The following DENND4C variants were observed in gnomAD, a reference collection of about 807,000 sequenced individuals.
The protein encoded by DENND4C is DENN domain containing 4C, also known as DENN domain-containing protein 4C.
In DENND4C, 108 loss-of-function variants were observed where a neutral mutation model predicts 203.0. The ratio of observed to expected loss-of-function variants is 0.53; its 90% CI spans 0.46 to 0.62. The LOEUF (loss-of-function observed/expected upper bound fraction) is 0.62, where lower values mean the gene tolerates loss of function less well. Among genes scored for constraint, DENND4C ranks in the 20% least tolerant of loss-of-function variants. The pLI, the probability that DENND4C is intolerant of heterozygous loss-of-function variation, is 0.00. For synonymous variants in DENND4C, 871 were observed against 792.4 expected, an observed-to-expected ratio of 1.10 and a Z score of -1.67; for missense variants, 2,481 against 2,301.2, an observed-to-expected ratio of 1.08 and a Z score of -1.60.
At chr9:19,363,094 C>T (rs750075372) in intron 30 of DENND4C, among the ~76,000 whole-genome samples, 3 of 152,226 alleles carry the variant, frequency 2.0e-5, no homozygotes, top group Non-Finnish European at 4.4e-5. Flanking sequence ...TCTGAGGCCT[C>T]TCTTTGGCCT....
chr9:19,266,202 G>A (rs943939516), intron 1 of DENND4C, among the ~76,000 whole-genome samples: 1 of 152,104 alleles, frequency 6.6e-6, no homozygotes, highest in Admixed American at 6.6e-5. Flanking sequence ...TTCTCTGATG[G>A]CCAGTGATGA....
intron 21 of DENND4C, among the ~76,000 whole-genome samples, 197 bp downstream of exon 21, chr9:19,341,311 C>CTTTTTTT (rs5896841): frequency 7.5e-5 from 9 of 120,170 alleles, no homozygotes; most frequent in Non-Finnish European, 6.9e-5. Context: ...TTCTTTCTTT[C>CTTTTTTT]TTTTTTTTTT....
intron 26 of DENND4C, among the ~76,000 whole-genome samples, chr9:19,353,852 T>A (rs1824747145): frequency 6.6e-6 from 1 of 151,904 alleles, no homozygotes; most frequent in South Asian, 2.1e-4. Context: ...AGGAAAATGG[T>A]TTGAACCCAG....
At chr9:19,364,181 G>A (rs1827125571) in intron 30 of DENND4C, among the ~76,000 whole-genome samples, 1 of 150,862 alleles carries the variant, frequency 6.6e-6, no homozygotes, top group African/African-American at 2.4e-5. Flanking sequence ...AGACCTCCCC[G>A]CCTTCCTGTC....
At chr9:19,256,367 G>A (rs1165592653) in intron 1 of DENND4C, among the ~76,000 whole-genome samples, 1 of 142,654 alleles carries the variant, frequency 7.0e-6, no homozygotes, top group African/African-American at 2.7e-5. Context: ...TGGAGTGCAA[G>A]GGCGCAATCT....
At position 19,360,243 on chromosome 9, in the gene DENND4C, G is replaced by T; in HGVS notation, c.5161-1G>T. 6.2e-7 allele frequency: 1 copy of T among 1,608,296 alleles called. No homozygotes were observed. Among genetic ancestry groups the T allele is most frequent in the Non-Finnish European group, 8.5e-7 (1 of 1,178,364 alleles). ...TAATTTCTTTTTGTATTTTTTTTAA[G>T]GATCCTTTAGGAAAAAGACCCAATC... On this transcript the variant is annotated splice_acceptor_variant, in intron 28 of 32. Coordinates refer to ENST00000434457, the MANE Select transcript of DENND4C (RefSeq NM_001330640.2). LOFTEE classifies it high-confidence loss of function.
chr9:19,324,599 GGA>G (rs1843418642), intron 13 of DENND4C, 92 bp downstream of exon 13: 2 of 1,315,616 alleles, frequency 1.5e-6, no homozygotes, highest in African/African-American at 3.0e-5. Context: ...AGTGATATAA[GGA>G]AAACAGAGTA....
intron 2 of DENND4C, among the ~76,000 whole-genome samples, chr9:19,277,528 T>C (rs141946291): frequency 7.2e-5 from 11 of 152,308 alleles, no homozygotes; most frequent in African/African-American, 2.6e-4. Flanking sequence ...TCTGCAACTT[T>C]GCCGAATTTA....
intron 1 of DENND4C, among the ~76,000 whole-genome samples, chr9:19,234,554 A>T (rs1354736123): frequency 1.3e-5 from 1 of 74,890 alleles, no homozygotes; most frequent in Non-Finnish European, 3.0e-5. Context: ...TTTTTTTTTA[A>T]CACGGTCTCA....
Position 19,319,833 on chromosome 9 carries a change from G to C in DENND4C, c.1807+2994G>C, listed in dbSNP as rs376896607. Among the ~76,000 whole-genome samples the C allele has an allele frequency of 4.1e-4, 62 of 152,240 alleles. 1 individual carries two copies. In the South Asian group the frequency reaches 0.011, roughly 28 times the overall value. ...TACAGTGAGAGTGCTAGTTAGGTCA[G>C]AGAAATATTCCTTGAAGAAATAACA... On this transcript the variant is annotated intron_variant, in intron 12 of 32. Transcript: ENST00000434457.
intron 4 of DENND4C, among the ~76,000 whole-genome samples, chr9:19,289,263 T>C (rs1835799849): frequency 6.6e-6 from 1 of 152,134 alleles, no homozygotes; most frequent in South Asian, 2.1e-4. Flanking sequence ...ATTCCACTGG[T>C]ATGGTGGGAT....
chr9:19,325,935 C>T lies in DENND4C; in HGVS notation c.1954-4C>T, dbSNP rs767972206. On this transcript the variant is annotated splice_polypyrimidine_tract_variant and splice_region_variant and intron_variant, in intron 13 of 32. Transcript: ENST00000434457. ...CATTAAGAATCTGTTTTCTTTTTTT[C>T]TAGTTGTTTCCTGATAAAGGCACAG... 3 of 1,596,898 alleles carry T rather than the reference C, an allele frequency of 1.9e-6. No homozygotes were observed. The highest frequency in any genetic ancestry group is 2.3e-5 in the East Asian group (1 of 44,442).
At chr9:19,266,439 C>T (rs1395851412) in intron 1 of DENND4C, among the ~76,000 whole-genome samples, 1 of 152,074 alleles carries the variant, frequency 6.6e-6, no homozygotes, top group Non-Finnish European at 1.5e-5. Flanking sequence ...GTTTCTTTTG[C>T]TATGGAGAAG....
At chr9:19,250,204 G>A (rs1177841430) in intron 1 of DENND4C, among the ~76,000 whole-genome samples, 5 of 151,902 alleles carry the variant, frequency 3.3e-5, no homozygotes, top group Admixed American at 3.3e-4. Context: ...GCACTTTGGG[G>A]GGCTGAGGCG....
chr9:19,370,749 A>G (rs1227064194), intron 31 of DENND4C, among the ~76,000 whole-genome samples: 1 of 152,262 alleles, frequency 6.6e-6, no homozygotes, highest in Non-Finnish European at 1.5e-5. Flanking sequence ...GTCTGCTAAT[A>G]TGCTCAGATT....
At chr9:19,293,589 A>G (rs762698639) in intron 5 of DENND4C, among the ~76,000 whole-genome samples, 9 of 152,300 alleles carry the variant, frequency 5.9e-5, no homozygotes, top group Non-Finnish European at 1.3e-4. Context: ...TTGCTGGGAG[A>G]AGGGGATGGG....
intron 31 of DENND4C, 81 bp from the exon 32 acceptor site, chr9:19,371,675 A>T (rs1456757539): frequency 2.8e-6 from 2 of 715,330 alleles, no homozygotes; most frequent in Admixed American, 5.2e-5. Flanking sequence ...GACAGAACTT[A>T]ATGTCTTCAC....
chr9:19,232,232 A>G (rs1307607134), intron 1 of DENND4C, among the ~76,000 whole-genome samples: 1 of 151,658 alleles, frequency 6.6e-6, no homozygotes, highest in East Asian at 1.9e-4. Flanking sequence ...CATGAACATG[A>G]TCTGCCTGTC....
At chr9:19,305,581 T>C in intron 10 of DENND4C, 54 bp downstream of exon 10, 1 of 1,513,198 alleles carries the variant, frequency 6.6e-7, no homozygotes, top group Non-Finnish European at 8.9e-7. Context: ...CTATGTAGAG[T>C]TACAGTTCTT....
Sources: allele counts gnomAD v4.1 joint callset (sites outside exome capture counted in the v4.1 genomes callset), GRCh38; gene constraint gnomAD v4.1.1; transcripts MANE v1.5; gene names NCBI Gene and HGNC (gene_info 2026-07-23, HGNC 2026-07-21).